Variants in KANK1 observed in about 807,000 individuals in gnomAD.
KANK1 encodes KN motif and ankyrin repeat domain-containing protein 1.
A neutral mutation model predicts 106.2 loss-of-function variants in KANK1; 109 were observed. The observed-to-expected ratio is 1.03, with a 90% CI of 0.88 to 1.20. KANK1 has a LOEUF of 1.20. Among genes scored for constraint, KANK1 ranks in the 50% most tolerant of loss-of-function variants. KANK1 has a pLI of 0.00. For synonymous variants in KANK1, 873 were observed against 652.2 expected (o/e 1.34, Z -5.16); for missense variants, 2,399 against 1,710.7 (o/e 1.40, Z -7.10).
At position 602,171 on chromosome 9, in the gene KANK1, C is replaced by T. The variant is rs182605757; in HGVS notation, c.-83-74719C>T. Among the ~76,000 whole-genome samples the T allele has an allele frequency of 2.2e-4, 34 of 152,052 alleles. 1 individual carries two copies. The highest frequency in any genetic ancestry group is 7.3e-4 in the African/African-American group (30 of 41,302). On this transcript the variant is annotated intron_variant, in intron 1 of 11. Coordinates refer to ENST00000382297, the MANE Select transcript of KANK1 (RefSeq NM_015158.5). ...AAATACTTTTACATTGATAGGATAGCATTAGCATCCAGACATTTTTGACAT... is the reference window on the plus strand; with the variant it reads ...AAATACTTTTACATTGATAGGATAGTATTAGCATCCAGACATTTTTGACAT...
chr9:622,572 A>G (rs1833400227), intron 1 of KANK1, among the ~76,000 whole-genome samples: 1 of 152,184 alleles, frequency 6.6e-6, no homozygotes, highest in Non-Finnish European at 1.5e-5. Flanking sequence ...TGGACCCTTA[A>G]CACCATATAC....
intron 1 of KANK1, among the ~76,000 whole-genome samples, chr9:591,194 A>G (rs994160129): frequency 6.6e-6 from 1 of 151,790 alleles, no homozygotes; most frequent in Non-Finnish European, 1.5e-5. Flanking sequence ...GTCTTTTATT[A>G]TAAAAGTATG....
Position 710,916 on chromosome 9 carries a change from T to A in KANK1, c.150T>A (p.Asp50Glu), listed in dbSNP as rs1825864682. 1 of 1,614,120 alleles carries A rather than the reference T, an allele frequency of 6.2e-7. No homozygotes were observed. Among genetic ancestry groups the A allele is most frequent in the Non-Finnish European group, 8.5e-7 (1 of 1,180,016 alleles). ...ACTTAGATTTCCTCAAATATGTGGA[T>A]GACATACAGAAGGGAAATACCATCA... ...QLDLDFLKYV[D>E]DIQKGNTIKR... The change falls in exon 3 of 12, where the codon GAT becomes GAA. Residue 50 changes from aspartate to glutamate, a missense_variant. Asp to Glu is a conservative substitution (Grantham distance 45). Transcript: ENST00000382297.
At chr9:504,685 G>C (rs1244240919), upstream of KANK1, 6 of 148,232 alleles carry the variant, frequency 4.0e-5, no homozygotes, top group African/African-American at 1.5e-4. Flanking sequence ...CCTGCGCCCC[G>C]CCCTTCCCCG....
intron 1 of KANK1, among the ~76,000 whole-genome samples, chr9:594,113 G>C (rs1190713306): frequency 6.6e-6 from 1 of 151,946 alleles, no homozygotes; most frequent in Non-Finnish European, 1.5e-5. Context: ...TTATGCAGAA[G>C]TGCACTTGTT....
intron 3 of KANK1, chr9:484,195 G>A (rs569442260): frequency 2.6e-5 from 4 of 152,316 alleles, no homozygotes; most frequent in African/African-American, 9.6e-5. Context: ...GAAGGGGCTT[G>A]CAGATGACAG....
chr9:578,809 C>T (rs1821275504), intron 1 of KANK1, among the ~76,000 whole-genome samples: 1 of 152,268 alleles, frequency 6.6e-6, no homozygotes, highest in East Asian at 1.9e-4. Context: ...TCTACATAAT[C>T]ATTTTCTCCC....
chr9:530,792 C>T (rs1181092710), intron 1 of KANK1, among the ~76,000 whole-genome samples: 1 of 152,024 alleles, frequency 6.6e-6, no homozygotes, highest in East Asian at 1.9e-4. Flanking sequence ...AGTTCAAGAC[C>T]AGCCTGGACA....
chr9:741,210 CAT>C (rs1334750400), intron 9 of KANK1, among the ~76,000 whole-genome samples: 4 of 151,810 alleles, frequency 2.6e-5, no homozygotes, highest in African/African-American at 9.7e-5. Context: ...AGTTCCCCTA[CAT>C]ATAAATGATT....
At position 679,136 on chromosome 9, in the gene KANK1, C is replaced by T. The variant is rs191209088; in HGVS notation, c.37+2127C>T. Among the ~76,000 whole-genome samples, 865 of 152,196 alleles carry T rather than the reference C, an allele frequency of 5.7e-3. 9 individuals are homozygous for T. The highest frequency in any genetic ancestry group is 0.02 in the African/African-American group (842 of 41,528). On this transcript the variant is annotated intron_variant, in intron 2 of 11. Coordinates refer to ENST00000382297, the MANE Select transcript of KANK1 (RefSeq NM_015158.5). ...AGGTTGAAGGCAAAAGAAAGCTCTC[C>T]GATTTGTGACTTTCAGGGTGTCAGA...
chr9:679,056 C>G (rs1335283971), intron 2 of KANK1, among the ~76,000 whole-genome samples: 1 of 152,150 alleles, frequency 6.6e-6, no homozygotes, highest in African/African-American at 2.4e-5. Flanking sequence ...ATCTAATAAG[C>G]AAGCTGTAAC....
chr9:479,060 C>T (rs1383364176), intron 3 of KANK1, among the ~76,000 whole-genome samples: 1 of 151,914 alleles, frequency 6.6e-6, no homozygotes, highest in Admixed American at 6.6e-5. Flanking sequence ...GGGATTACAG[C>T]CACCCATAGA....
At chr9:736,103 G>A (rs13287494) in intron 7 of KANK1, among the ~76,000 whole-genome samples, 42,388 of 152,016 alleles carry the variant, frequency 0.28, 6,664 homozygotes, top group Non-Finnish European at 0.37. Context: ...GACTACCGGC[G>A]TCCACCACAA....
chr9:598,699 C>T (rs538038317), intron 1 of KANK1, among the ~76,000 whole-genome samples: 7 of 120,494 alleles, frequency 5.8e-5, no homozygotes, highest in African/African-American at 1.8e-4. Flanking sequence ...GGCACGACCT[C>T]GGCTCACTGC....
At chr9:604,942 G>A (rs1307521269) in intron 1 of KANK1, among the ~76,000 whole-genome samples, 4 of 151,870 alleles carry the variant, frequency 2.6e-5, no homozygotes, top group African/African-American at 7.3e-5. Context: ...CTTTATAGCA[G>A]TGTGAAAATG....
chr9:535,430 T>C (rs1263752589), intron 1 of KANK1, among the ~76,000 whole-genome samples: 1 of 152,184 alleles, frequency 6.6e-6, no homozygotes, highest in Non-Finnish European at 1.5e-5. Flanking sequence ...GAGAAATAGC[T>C]CACATTTTTG....
At chr9:610,635 G>A (rs1435608161) in intron 1 of KANK1, among the ~76,000 whole-genome samples, 1 of 152,156 alleles carries the variant, frequency 6.6e-6, no homozygotes, top group Admixed American at 6.5e-5. Context: ...ACAACCTGCA[G>A]TTTCCAGCTT....
chr9:542,780 A>C (rs769898306), intron 1 of KANK1, among the ~76,000 whole-genome samples: 1 of 152,246 alleles, frequency 6.6e-6, no homozygotes, highest in Non-Finnish European at 1.5e-5. Context: ...CATAAATGAA[A>C]TAGCCAGGCA....
intron 1 of KANK1, among the ~76,000 whole-genome samples, chr9:647,435 A>G (rs896650533): frequency 3.3e-5 from 5 of 151,024 alleles, no homozygotes; most frequent in Non-Finnish European, 5.9e-5. Context: ...CTATCACTTC[A>G]TATCTCTTTG....
Sources: allele counts gnomAD v4.1 joint callset (sites outside exome capture counted in the v4.1 genomes callset), GRCh38; gene constraint gnomAD v4.1.1; transcripts MANE v1.5; gene names NCBI Gene and HGNC (gene_info 2026-07-23, HGNC 2026-07-21).